Variants in SPINK5 observed in about 807,000 individuals in gnomAD.
SPINK5 encodes the protein serine protease inhibitor Kazal-type 5.
A neutral mutation model predicts 151.8 loss-of-function variants in SPINK5; 125 were observed. The ratio of observed to expected loss-of-function variants is 0.82; its 90% CI spans 0.71 to 0.96. The LOEUF is 0.96. Ranked by LOEUF, SPINK5 falls within the 40% of genes least tolerant of loss-of-function variation. The pLI, the probability that SPINK5 is intolerant of heterozygous loss-of-function variation, is 0.00. For missense variants in SPINK5, 1,194 were observed against 1,291.9 expected, an observed-to-expected ratio of 0.92 and a Z score of 1.16; for synonymous variants, 374 against 395.3, an observed-to-expected ratio of 0.95 and a Z score of 0.64.
chr5:148,118,910 G>A, intron 23 of SPINK5, 76 bp from the exon 24 acceptor site: 2 of 1,453,520 alleles, frequency 1.4e-6, no homozygotes, highest in East Asian at 2.3e-5. Flanking sequence ...CTTGTCATTT[G>A]CACGGGACAC....
chr5:148,128,244 G>A lies in SPINK5; in HGVS notation c.2964+1165G>A, dbSNP rs1373544415. The stretch of plus-strand genomic sequence containing the variant: ...TATGTTTTTTTTTTTAAATACTAAA[G>A]TATAATAGTTACATAGAAGAAATGT... On this transcript the variant is annotated intron_variant, in intron 30 of 32. Transcript: ENST00000256084. Among the ~76,000 whole-genome samples the A allele has an allele frequency of 2.6e-5, 4 of 151,690 alleles. No homozygotes were observed. In the East Asian group the frequency reaches 7.8e-4, roughly 29 times the overall value.
At chr5:148,066,465 G>T (rs1186441073) in intron 2 of SPINK5, among the ~76,000 whole-genome samples, 1 of 152,058 alleles carries the variant, frequency 6.6e-6, no homozygotes, top group Non-Finnish European at 1.5e-5. Flanking sequence ...TATTCTTTAC[G>T]TTGAAACTCT....
At chr5:148,132,288 C>G (rs763607289) in intron 31 of SPINK5, among the ~76,000 whole-genome samples, 1 of 152,106 alleles carries the variant, frequency 6.6e-6, no homozygotes, top group Non-Finnish European at 1.5e-5. Context: ...GACCCCAGAC[C>G]TACATTGTAG....
intron 4 of SPINK5, among the ~76,000 whole-genome samples, chr5:148,079,934 A>G (rs1225561591): frequency 6.6e-6 from 1 of 151,124 alleles, no homozygotes; most frequent in Non-Finnish European, 1.5e-5. Flanking sequence ...TTAATTAATT[A>G]ATTAAAGACA....
At position 148,118,365 on chromosome 5, in the gene SPINK5, C is replaced by A. The variant is rs558149761; in HGVS notation, c.2113-72C>A. 2.0e-4 allele frequency: 319 copies of A among 1,605,280 alleles called. No homozygotes were observed. The African/African-American group carries it at 2.7e-3, about 14-fold the overall frequency. On this transcript the variant is annotated intron_variant, in intron 22 of 32. Transcript: ENST00000256084. ...GGTGAAAGAACTTCTCTTACTCAGACTGTTAAAACAATTTACTAAGAATAC... is the reference window on the plus strand; with the variant it reads ...GGTGAAAGAACTTCTCTTACTCAGAATGTTAAAACAATTTACTAAGAATAC...
chr5:148,137,115 G>A lies in SPINK5; in HGVS notation c.*124G>A, dbSNP rs867977197. The A allele has an allele frequency of 7.8e-7, 1 of 1,289,200 alleles. No individual in the cohort carries two copies. The highest frequency in any genetic ancestry group is 1.1e-6 in the Non-Finnish European group (1 of 889,720). The allele number at this position is 1,289,200 out of a possible 1,614,324, so 79.9% of individuals were successfully genotyped here. ...CTTATTTGCTATAGAAAACAATACAGAGCTTTTGGGAATGGACTCACTGAT... is the reference window on the plus strand; with the variant it reads ...CTTATTTGCTATAGAAAACAATACAAAGCTTTTGGGAATGGACTCACTGAT... On this transcript the variant is annotated 3_prime_UTR_variant, in exon 33 of 33. Coordinates refer to ENST00000256084, the MANE Select transcript of SPINK5 (RefSeq NM_006846.4).
chr5:148,107,320 T>C (rs1231889239), intron 17 of SPINK5, among the ~76,000 whole-genome samples, 156 bp downstream of exon 17: 2 of 152,186 alleles, frequency 1.3e-5, no homozygotes, highest in African/African-American at 2.4e-5. Flanking sequence ...TTGAATCATA[T>C]AGTGACAATA....
At chr5:148,118,612 C>T (rs1754165618) in intron 23 of SPINK5, 48 bp downstream of exon 23, 3 of 1,607,796 alleles carry the variant, frequency 1.9e-6, no homozygotes, top group Non-Finnish European at 2.6e-6. Flanking sequence ...TCACATTCCT[C>T]TTGAATGAAT....
chr5:148,094,495 T>C lies in SPINK5; in HGVS notation c.794+14T>C. Reference sequence around the variant, plus strand: ...TGCTGAAATTTTGTGAGTATAGAAGTGGTTTTTTCAGAGTGATTCAAAGGG... The same window carrying C: ...TGCTGAAATTTTGTGAGTATAGAAGCGGTTTTTTCAGAGTGATTCAAAGGG... On this transcript the variant is annotated intron_variant, in intron 9 of 32. Coordinates refer to ENST00000256084, the MANE Select transcript of SPINK5 (RefSeq NM_006846.4). 1 of 1,611,960 alleles carries C rather than the reference T, an allele frequency of 6.2e-7. No individual in the cohort carries two copies. The highest frequency in any genetic ancestry group is 8.5e-7 in the Non-Finnish European group (1 of 1,178,664).
rs1752641554 is a variant in SPINK5 at position 148,068,487 on chromosome 5, C to T, written c.82-1836C>T. 3.1e-5 allele frequency among the ~76,000 whole-genome samples: 4 copies of T among 127,456 alleles called. No individual in the cohort carries two copies. The South Asian group carries it at 1.0e-3, about 33-fold the overall frequency. The allele number at this position is 127,456 out of a possible 152,430, so 83.6% of individuals were successfully genotyped here. On this transcript the variant is annotated intron_variant, in intron 2 of 32. Coordinates refer to ENST00000256084, the MANE Select transcript of SPINK5 (RefSeq NM_006846.4). ...GATTGCTGGCTCATTCAATGATGATCATAAAGATATAGGAGACTACTGGAG... is the reference window on the plus strand; with the variant it reads ...GATTGCTGGCTCATTCAATGATGATTATAAAGATATAGGAGACTACTGGAG...
intron 4 of SPINK5, among the ~76,000 whole-genome samples, chr5:148,085,538 A>G (rs1753130410): frequency 6.6e-6 from 1 of 151,922 alleles, no homozygotes; most frequent in African/African-American, 2.4e-5. Context: ...GAATGTAGGT[A>G]GGGTGTGAAT....
At chr5:148,098,137 G>C (rs1753522147) in intron 11 of SPINK5, 143 bp downstream of exon 11, 2 of 798,998 alleles carry the variant, frequency 2.5e-6, no homozygotes, top group African/African-American at 3.4e-5. Context: ...ATCAGTGATA[G>C]AGCTGGGAGT....
At chr5:148,092,669 A>G (rs1266412592) in intron 8 of SPINK5, among the ~76,000 whole-genome samples, 2 of 151,880 alleles carry the variant, frequency 1.3e-5, no homozygotes, top group Non-Finnish European at 2.9e-5. Flanking sequence ...ATCACAACTT[A>G]TAAACTGAAA....
intron 17 of SPINK5, 49 bp downstream of exon 17, chr5:148,107,213 C>T: frequency 6.3e-7 from 1 of 1,598,426 alleles, no homozygotes; most frequent in Non-Finnish European, 8.5e-7. Context: ...TCCATGATCG[C>T]CCCTGAGTCT....
chr5:148,120,691 C>T (rs913614967), intron 26 of SPINK5, among the ~76,000 whole-genome samples: 2 of 152,064 alleles, frequency 1.3e-5, no homozygotes, highest in African/African-American at 2.4e-5. Flanking sequence ...AGGATGGTCT[C>T]GAACTCCTGA....
At position 148,086,301 on chromosome 5, in the gene SPINK5, C is replaced by G. The variant is rs370804037; in HGVS notation, c.283-104C>G. On this transcript the variant is annotated intron_variant, in intron 4 of 32. Transcript: ENST00000256084. Reference sequence around the variant, plus strand: ...AGCCTTCATGATATGTTTTTCTTCTCCAGCAATTTACATTATTGTGGGCTT... The same window carrying G: ...AGCCTTCATGATATGTTTTTCTTCTGCAGCAATTTACATTATTGTGGGCTT... 5.2e-5 allele frequency: 74 copies of G among 1,434,870 alleles called. No individual in the cohort carries two copies. The African/African-American group carries it at 9.6e-4, about 19-fold the overall frequency. 88.9% of individuals were successfully genotyped at this position (1,434,870 alleles called of 1,614,324 possible).
At chr5:148,127,833 G>C (rs765445758) in intron 30 of SPINK5, among the ~76,000 whole-genome samples, 2 of 152,150 alleles carry the variant, frequency 1.3e-5, no homozygotes, top group Admixed American at 6.5e-5. Context: ...ACTCCAGCCT[G>C]GGTGACAGAA....
chr5:148,098,975 A>G (rs1008268192), intron 11 of SPINK5, among the ~76,000 whole-genome samples: 1 of 152,102 alleles, frequency 6.6e-6, no homozygotes, highest in East Asian at 1.9e-4. Context: ...TACTATGGGC[A>G]AGAAAACTAA....
chr5:148,120,692 G>A (rs771127073), intron 26 of SPINK5, among the ~76,000 whole-genome samples: 5 of 151,948 alleles, frequency 3.3e-5, no homozygotes, highest in South Asian at 2.1e-4. Flanking sequence ...GGATGGTCTC[G>A]AACTCCTGAG....
Sources: gnomAD v4.1 joint callset for allele counts (sites outside exome capture counted in the v4.1 genomes callset) on GRCh38, gnomAD v4.1.1 for gene constraint, MANE v1.5 for transcripts, NCBI Gene and HGNC (gene_info 2026-07-23, HGNC 2026-07-21) for gene names.